The following SEMA4D variants were observed in gnomAD, a reference collection of about 807,000 sequenced individuals.
SEMA4D encodes semaphorin-4D.
SEMA4D carries 22 observed loss-of-function variants against 74.8 expected under a neutral mutation model. That is an observed-to-expected ratio of 0.29 (90% CI 0.21 to 0.42). The LOEUF is 0.42. Ranked by LOEUF, SEMA4D falls within the 10% of genes least tolerant of loss-of-function variation. The probability of loss-of-function intolerance (pLI) is 1.00; values close to 1 mark genes in which losing one functional copy is unlikely to be tolerated. For missense variants in SEMA4D, 937 were observed against 1,118.4 expected, an observed-to-expected ratio of 0.84 and a Z score of 2.31; for synonymous variants, 445 against 463.7, an observed-to-expected ratio of 0.96 and a Z score of 0.52.
chr9:89,385,865 TGCCC>T (rs1026328459), intron 13 of SEMA4D: 6 of 213,790 alleles, frequency 2.8e-5, no homozygotes, highest in Non-Finnish European at 4.0e-5. Flanking sequence ...CCAGCGTGGA[TGCCC>T]GCCCACCCAC....
At chr9:89,416,330 C>T (rs938388974) in intron 2 of SEMA4D, among the ~76,000 whole-genome samples, 3 of 152,322 alleles carry the variant, frequency 2.0e-5, no homozygotes, top group African/African-American at 7.2e-5. Flanking sequence ...AATGTGCAAC[C>T]AAAGGGGATG....
chr9:89,403,479 C>A (rs775461969), intron 3 of SEMA4D, among the ~76,000 whole-genome samples: 27 of 152,162 alleles, frequency 1.8e-4, no homozygotes, highest in Non-Finnish European at 2.4e-4. Context: ...GAATGTTTTA[C>A]TTCAAAATCT....
intron 1 of SEMA4D, among the ~76,000 whole-genome samples, chr9:89,471,081 T>C (rs939996022): frequency 6.6e-5 from 10 of 152,250 alleles, no homozygotes; most frequent in African/African-American, 2.4e-4. Context: ...ATAAAATGAC[T>C]GCACCAATTT....
Position 89,401,089 on chromosome 9 carries a change from C to A in SEMA4D, c.253-1751G>T, listed in dbSNP as rs146143176. Among the ~76,000 whole-genome samples the A allele has an allele frequency of 7.5e-4, 114 of 152,274 alleles. No individual in the cohort carries two copies. The Middle Eastern group carries it at 0.01, about 14-fold the overall frequency. ...TGTTTTTTTGAGACAGGGTCTCGCT[C>A]TGTTGCCCAGGCTGGACTGCAGTGG... On this transcript the variant is annotated intron_variant, in intron 4 of 15. Coordinates refer to ENST00000422704, the MANE Select transcript of SEMA4D (RefSeq NM_001371194.2).
chr9:89,461,459 G>A (rs538462563), intron 1 of SEMA4D, among the ~76,000 whole-genome samples: 43 of 152,270 alleles, frequency 2.8e-4, no homozygotes, highest in African/African-American at 1.0e-3. Flanking sequence ...CTTTCACATG[G>A]ATGGCTATGA....
intron 2 of SEMA4D, chr9:89,450,687 A>AAAAAAAAAAAAAAG (rs1372309489): frequency 3.1e-6 from 3 of 982,466 alleles, no homozygotes; most frequent in Admixed American, 2.3e-5. Context: ...AAAAAAAAAA[A>AAAAAAAAAAAAAAG]GGCCTCCAAG....
chr9:89,376,972 G>C, downstream of SEMA4D: 1 of 1,550,440 alleles, frequency 6.4e-7, no homozygotes, highest in Non-Finnish European at 8.7e-7. Flanking sequence ...TCCAGGGAGA[G>C]GAAAGCCTCC....
intron 11 of SEMA4D, among the ~76,000 whole-genome samples, chr9:89,387,845 T>A (rs1231056187): frequency 6.6e-6 from 1 of 152,234 alleles, no homozygotes; most frequent in Admixed American, 6.5e-5. Flanking sequence ...CGATACATAC[T>A]CAGGGAAGGA....
At chr9:89,385,066 C>T (rs567975462) in intron 13 of SEMA4D, 37 of 983,572 alleles carry the variant, frequency 3.8e-5, no homozygotes, top group African/African-American at 2.6e-4. Flanking sequence ...TCCTCCTGGG[C>T]GCGAGGCTCC....
chr9:89,372,530 A>T (rs76646127), downstream of SEMA4D, among the ~76,000 whole-genome samples: 1 of 151,680 alleles, frequency 6.6e-6, no homozygotes, highest in African/African-American at 2.4e-5. Context: ...CCCAGGGCCA[A>T]CGCGGTGCAG....
chr9:89,382,136 C>A (rs1837246331), intron 13 of SEMA4D, among the ~76,000 whole-genome samples: 1 of 152,160 alleles, frequency 6.6e-6, no homozygotes, highest in Non-Finnish European at 1.5e-5. Context: ...CAGCAGTGCC[C>A]AGCACACAGG....
chr9:89,496,053 T>C (rs1346378393), intron 1 of SEMA4D, among the ~76,000 whole-genome samples: 1 of 152,052 alleles, frequency 6.6e-6, no homozygotes, highest in Non-Finnish European at 1.5e-5. Context: ...CCTCCAGCGG[T>C]CCACATGGAG....
chr9:89,450,616 A>G (rs1230379734), intron 2 of SEMA4D: 3 of 787,254 alleles, frequency 3.8e-6, no homozygotes, highest in Non-Finnish European at 6.3e-6. Context: ...CAGGATGCAG[A>G]GCTAAAGACC....
At chr9:89,447,419 C>T (rs1001727638) in intron 2 of SEMA4D, among the ~76,000 whole-genome samples, 1 of 152,026 alleles carries the variant, frequency 6.6e-6, no homozygotes, top group Non-Finnish European at 1.5e-5. Flanking sequence ...GAGATGCCTC[C>T]GAGACAGCCC....
chr9:89,466,680 C>T (rs1226463583), intron 1 of SEMA4D, among the ~76,000 whole-genome samples: 2 of 152,212 alleles, frequency 1.3e-5, no homozygotes, highest in African/African-American at 4.8e-5. Context: ...GCAATTAGTA[C>T]ACAGTAATTA....
At chr9:89,363,536 C>A (rs368364229) in intron 17 of SEMA4D, 3 of 1,613,940 alleles carry the variant, frequency 1.9e-6, no homozygotes, top group African/African-American at 1.3e-5. Flanking sequence ...TTCTGGAAAA[C>A]AAGCAGGGTC....
At chr9:89,488,405 A>T (rs1319804887) in intron 1 of SEMA4D, among the ~76,000 whole-genome samples, 2 of 121,016 alleles carry the variant, frequency 1.7e-5, no homozygotes, top group Non-Finnish European at 3.2e-5. Context: ...ACTCTGTCAC[A>T]CAGGCTGGAG....
intron 2 of SEMA4D, among the ~76,000 whole-genome samples, chr9:89,440,481 C>A (rs1214006942): frequency 6.7e-6 from 1 of 148,790 alleles, no homozygotes; most frequent in Non-Finnish European, 1.5e-5. Context: ...CCGCACCCAT[C>A]ACCCTGGCCC....
chr9:89,378,971 C>T lies in SEMA4D; in HGVS notation c.2322G>A (p.Gly774=), dbSNP rs1171237923. The T allele has an allele frequency of 3.1e-6, 5 of 1,613,938 alleles. No individual in the cohort carries two copies. Among genetic ancestry groups the T allele is most frequent in the East Asian group, 2.2e-5 (1 of 44,900 alleles). ...AGAAATCTGACTTGGGCTTCTTCTT[C>T]CCAATTAGTAGGGCCGAGCGGAATT... ...CLKFRSALLI[G]KKKPKSDFCD... is the part of the protein sequence containing the mutation. Residue 774 remains glycine (G), a synonymous_variant, in exon 16 of 16, where the codon GGG becomes GGA. Coordinates refer to ENST00000422704, the MANE Select transcript of SEMA4D (RefSeq NM_001371194.2).
Sources: allele counts gnomAD v4.1 joint callset (sites outside exome capture counted in the v4.1 genomes callset), GRCh38; gene constraint gnomAD v4.1.1; transcripts MANE v1.5; gene names NCBI Gene and HGNC (gene_info 2026-07-23, HGNC 2026-07-21).